TSC22D1: variants seen among roughly 807,000 people sequenced by gnomAD.
TSC22D1 encodes the protein TSC22 domain family protein 1.
A neutral mutation model predicts 74.2 loss-of-function variants in TSC22D1; 9 were observed. That is an observed-to-expected ratio of 0.12 (90% confidence interval 0.07 to 0.21). The LOEUF (loss-of-function observed/expected upper bound fraction) is 0.21, where lower values mean the gene tolerates loss of function less well. Among genes scored for constraint, TSC22D1 ranks in the 10% least tolerant of loss-of-function variants. TSC22D1 has a pLI of 1.00. For synonymous variants in TSC22D1, 586 were observed against 492.5 expected (o/e 1.19, Z -2.51); for missense variants, 1,427 against 1,304.7 (o/e 1.09, Z -1.44).
intron 1 of TSC22D1, among the ~76,000 whole-genome samples, chr13:44,477,145 G>A (rs958341916): frequency 6.6e-6 from 1 of 151,830 alleles, no homozygotes; most frequent in Admixed American, 6.6e-5. Context: ...TAGAGACGGG[G>A]TTTCACCATG....
At position 44,437,063 on chromosome 13, in the gene TSC22D1, G is replaced by T. The variant is rs192470265; in HGVS notation, c.2913-968C>A. ...GGCGCGGGCCGTGCTCAGAGGGAGT[G>T]GGGTGCTGGGTTCGGAGGTTTCCAC... On this transcript the variant is annotated intron_variant, in intron 1 of 2. Coordinates refer to ENST00000458659, the MANE Select transcript of TSC22D1 (RefSeq NM_183422.4). 6.9e-3 allele frequency: 6,728 copies of T among 970,482 alleles called. 30 individuals carry two copies. The highest frequency in any genetic ancestry group is 7.8e-3 in the Non-Finnish European group (6,335 of 815,820). 60.1% of individuals were successfully genotyped at this position (970,482 alleles called of 1,614,324 possible).
intron 1 of TSC22D1, among the ~76,000 whole-genome samples, chr13:44,504,715 C>T (rs1477063156): frequency 1.3e-5 from 2 of 151,976 alleles, no homozygotes; most frequent in Non-Finnish European, 2.9e-5. Flanking sequence ...ACTAACACCC[C>T]AAATGATGTC....
At position 44,575,680 on chromosome 13, in the gene TSC22D1, G is replaced by C; in HGVS notation, c.395C>G (p.Ala132Gly). ...SASISSNNSIAEDTESYDDLD... is the reference protein window; with the variant it reads ...SASISSNNSIGEDTESYDDLD... ...ATCATCATAGCTCTCAGTGTCCTCT[G>C]CTATACTGTTGTTAGAGCTGATACT... The change falls in exon 1 of 3, where the codon GCA becomes GGA. Residue 132 changes from alanine (A) to glycine (G), a missense_variant. Transcript: ENST00000458659. 1 of 1,614,220 alleles carries C rather than the reference G, an allele frequency of 6.2e-7. No individual in the cohort carries two copies. The highest frequency in any genetic ancestry group is 8.5e-7 in the Non-Finnish European group (1 of 1,180,038).
intron 1 of TSC22D1, among the ~76,000 whole-genome samples, chr13:44,532,006 C>T (rs914232549): frequency 6.6e-6 from 1 of 152,142 alleles, no homozygotes; most frequent in Non-Finnish European, 1.5e-5. Flanking sequence ...ACAAGTGTCT[C>T]CAACAAGCCT....
intron 1 of TSC22D1, among the ~76,000 whole-genome samples, chr13:44,477,255 C>T (rs967763334): frequency 6.6e-6 from 1 of 152,044 alleles, no homozygotes; most frequent in Non-Finnish European, 1.5e-5. Flanking sequence ...GCCTGGCCAA[C>T]CTGACCTATA....
chr13:44,576,297 G>A lies in TSC22D1; in HGVS notation c.-223C>T. On this transcript the variant is annotated 5_prime_UTR_variant, in exon 1 of 3. Coordinates refer to ENST00000458659, the MANE Select transcript of TSC22D1 (RefSeq NM_183422.4). ...TGAACAGGGCGGCCGGGGACCCGAA[G>A]GGGGGATCCCTTCAGTCCTTCGCCA... 1.7e-6 allele frequency: 1 copy of A among 594,964 alleles called. No homozygotes were observed. Among genetic ancestry groups the A allele is most frequent in the Non-Finnish European group, 2.9e-6 (1 of 347,410 alleles). The allele number at this position is 594,964 out of a possible 1,614,324, so 36.9% of individuals were successfully genotyped here.
At chr13:44,544,679 T>A (rs961860218) in intron 1 of TSC22D1, among the ~76,000 whole-genome samples, 1 of 152,104 alleles carries the variant, frequency 6.6e-6, no homozygotes, top group African/African-American at 2.4e-5. Flanking sequence ...AACCTAACTA[T>A]TAAAGCATTT....
intron 1 of TSC22D1, among the ~76,000 whole-genome samples, chr13:44,459,615 G>A (rs907256531): frequency 6.6e-6 from 1 of 152,208 alleles, no homozygotes; most frequent in Non-Finnish European, 1.5e-5. Context: ...AAAGAGAGAA[G>A]AGCTGCAGCC....
In TSC22D1 at chr13:44,573,701, A is replaced by G; in HGVS notation, c.2374T>C (p.Ser792Pro). The change falls in exon 1 of 3, where the codon TCC becomes CCC. Residue 792 changes from serine (S) to proline (P), a missense_variant. Transcript: ENST00000458659. ...GGCACAGTTAACAAGGAACTTTGGG[A>G]TGCAATAACCAATTGTTGAGGAAGG... ...PSLPQQLVIA[S>P]QSSLLTVPPQ... is the part of the protein sequence containing the mutation. 4 of 1,614,234 alleles carry G rather than the reference A, an allele frequency of 2.5e-6. No homozygotes were observed. The South Asian group carries it at 4.4e-5, about 18-fold the overall frequency.
intron 1 of TSC22D1, among the ~76,000 whole-genome samples, chr13:44,511,117 C>CA (rs1031812176): frequency 2.0e-5 from 3 of 151,928 alleles, no homozygotes; most frequent in East Asian, 1.9e-4. Flanking sequence ...CCTATCTCTA[C>CA]AAAAAAATAC....
chr13:44,541,057 C>T (rs567539957), intron 1 of TSC22D1, among the ~76,000 whole-genome samples: 9 of 152,102 alleles, frequency 5.9e-5, no homozygotes, highest in African/African-American at 2.4e-5. Flanking sequence ...AAGTAATCTC[C>T]CTCTCATACC....
At chr13:44,509,647 A>G (rs1879597709) in intron 1 of TSC22D1, among the ~76,000 whole-genome samples, 2 of 152,166 alleles carry the variant, frequency 1.3e-5, no homozygotes, top group African/African-American at 4.8e-5. Context: ...CCATTATTTT[A>G]TACACTTAAA....
At chr13:44,509,500 C>T (rs1056616899) in intron 1 of TSC22D1, among the ~76,000 whole-genome samples, 9 of 152,226 alleles carry the variant, frequency 5.9e-5, no homozygotes, top group Non-Finnish European at 1.3e-4. Context: ...ATGAGCCGGA[C>T]GTGGTGGCGG....
At chr13:44,434,950 G>A (rs1209549179) in intron 2 of TSC22D1, 67 bp from the exon 3 acceptor site, 1 of 1,396,156 alleles carries the variant, frequency 7.2e-7, no homozygotes, top group Non-Finnish European at 9.8e-7. Context: ...GAGTTTCCAA[G>A]ACATTATTTT....
chr13:44,494,423 T>C (rs1878871989), intron 1 of TSC22D1, among the ~76,000 whole-genome samples: 1 of 119,602 alleles, frequency 8.4e-6, no homozygotes. Context: ...CCAAGCATGG[T>C]AGCACATACC....
chr13:44,499,459 G>A (rs1027723189), intron 1 of TSC22D1, among the ~76,000 whole-genome samples: 1 of 152,074 alleles, frequency 6.6e-6, no homozygotes, highest in African/African-American at 2.4e-5. Context: ...ACACATTAAA[G>A]TGTTTTGTTA....
Position 44,449,413 on chromosome 13 carries a change from C to T in TSC22D1, c.2913-13318G>A, listed in dbSNP as rs145757094. Among the ~76,000 whole-genome samples the T allele has an allele frequency of 1.3e-3, 199 of 152,282 alleles. 1 individual carries two copies. Among genetic ancestry groups the T allele is most frequent in the African/African-American group, 4.4e-3 (182 of 41,552 alleles). ...AAAGCCCTCAAGAGCTGTGAGAAGA[C>T]GAGTTAGAGGAAGTCCAAGGGGATC... is the stretch of plus-strand genomic sequence containing the variant. On this transcript the variant is annotated intron_variant, in intron 1 of 2. Transcript: ENST00000458659.
chr13:44,561,132 T>C (rs190706537), intron 1 of TSC22D1, among the ~76,000 whole-genome samples: 5 of 152,302 alleles, frequency 3.3e-5, no homozygotes, highest in Non-Finnish European at 7.4e-5. Flanking sequence ...GCTCCTTACA[T>C]TCCACAGCTG....
intron 1 of TSC22D1, among the ~76,000 whole-genome samples, chr13:44,546,951 A>G (rs2138125493): frequency 6.6e-6 from 1 of 152,168 alleles, no homozygotes; most frequent in South Asian, 2.1e-4. Context: ...TTGTAGAGAC[A>G]GAGTTTCATC....
Sources: gnomAD v4.1 joint callset for allele counts (sites outside exome capture counted in the v4.1 genomes callset) on GRCh38, gnomAD v4.1.1 for gene constraint, MANE v1.5 for transcripts, NCBI Gene and HGNC (gene_info 2026-07-23, HGNC 2026-07-21) for gene names.